The following FOCAD variants were observed in gnomAD, a reference collection of about 807,000 sequenced individuals.
The protein encoded by FOCAD is focadhesin.
Under a neutral mutation model 225.6 loss-of-function variants are expected in FOCAD, and 198 were observed. That is an observed-to-expected ratio of 0.88 (90% CI 0.78 to 0.99). The LOEUF (loss-of-function observed/expected upper bound fraction) is 0.99. Among genes scored for constraint, FOCAD ranks in the 50% least tolerant of loss-of-function variants. FOCAD has a pLI of 0.00. For missense variants in FOCAD, 2,713 were observed against 2,123.6 expected (o/e 1.28, Z -5.46); for synonymous variants, 897 against 755.0 (o/e 1.19, Z -3.08).
intron 21 of FOCAD, among the ~76,000 whole-genome samples, chr9:20,889,975 A>G (rs985166269): frequency 2.0e-4 from 31 of 152,144 alleles, no homozygotes; most frequent in African/African-American, 7.5e-4. Context: ...TGCTATTCAA[A>G]TTGGACTTTT....
intron 19 of FOCAD, among the ~76,000 whole-genome samples, chr9:20,876,827 A>G (rs1220786769): frequency 6.6e-6 from 1 of 152,192 alleles, no homozygotes; most frequent in African/African-American, 2.4e-5. Context: ...ACAGACAGAA[A>G]AGTGGGTTGT....
At chr9:20,820,288 A>G in intron 12 of FOCAD, 36 bp from the exon 13 acceptor site, 2 of 1,508,596 alleles carry the variant, frequency 1.3e-6, no homozygotes, top group South Asian at 1.2e-5. Flanking sequence ...TCTGCATTCA[A>G]GTTTATGCAA....
intron 7 of FOCAD, among the ~76,000 whole-genome samples, chr9:20,768,873 A>G (rs1817878879): frequency 6.6e-6 from 1 of 152,142 alleles, no homozygotes; most frequent in African/African-American, 2.4e-5. Flanking sequence ...ACATAAAGAC[A>G]GAATGTTACT....
intron 35 of FOCAD, among the ~76,000 whole-genome samples, chr9:20,972,379 G>A (rs528631737): frequency 1.3e-5 from 2 of 151,870 alleles, no homozygotes; most frequent in African/African-American, 4.8e-5. Flanking sequence ...ATTTGGTTTG[G>A]TTTTTTTCCT....
intron 6 of FOCAD, among the ~76,000 whole-genome samples, chr9:20,761,071 G>GAGTTCA (rs1346702803): frequency 6.6e-6 from 1 of 152,040 alleles, no homozygotes; most frequent in Non-Finnish European, 1.5e-5. Context: ...GGAGTCTGCT[G>GAGTTCA]TGTTGCCCAG....
chr9:20,697,435 T>A (rs1379467188), intron 1 of FOCAD, among the ~76,000 whole-genome samples: 2 of 152,230 alleles, frequency 1.3e-5, no homozygotes, highest in African/African-American at 2.4e-5. Flanking sequence ...GCTTACATGA[T>A]CTGGGTTTCT....
chr9:20,905,506 A>C (rs963877750), intron 21 of FOCAD, among the ~76,000 whole-genome samples: 2 of 152,010 alleles, frequency 1.3e-5, no homozygotes, highest in African/African-American at 4.8e-5. Context: ...ATTCGGCAAA[A>C]ATTTAAAAAT....
chr9:20,759,777 A>T (rs1359380755), intron 6 of FOCAD, among the ~76,000 whole-genome samples: 1 of 152,220 alleles, frequency 6.6e-6, no homozygotes, highest in Non-Finnish European at 1.5e-5. Context: ...GAAGTTAAGC[A>T]TTGGTAAGTG....
At chr9:20,841,755 T>C (rs1258855138) in intron 15 of FOCAD, among the ~76,000 whole-genome samples, 3 of 151,898 alleles carry the variant, frequency 2.0e-5, no homozygotes, top group Non-Finnish European at 4.4e-5. Context: ...ATTTTATTTA[T>C]TTCCCCTTTC....
intron 15 of FOCAD, among the ~76,000 whole-genome samples, chr9:20,846,337 C>T (rs1827107060): frequency 6.6e-6 from 1 of 152,066 alleles, no homozygotes; most frequent in Non-Finnish European, 1.5e-5. Context: ...ATGTCCTTTT[C>T]TCTTTCTTAA....
chr9:20,721,687 G>A (rs148748788), intron 4 of FOCAD, among the ~76,000 whole-genome samples: 1 of 152,232 alleles, frequency 6.6e-6, no homozygotes, highest in African/African-American at 2.4e-5. Context: ...GGGTGACAGA[G>A]TGAAATTCCA....
Position 20,748,469 on chromosome 9 carries a change from A to G in FOCAD, c.392+8129A>G, listed in dbSNP as rs566077856. Among the ~76,000 whole-genome samples, 185 of 152,200 alleles carry G rather than the reference A, an allele frequency of 1.2e-3. 3 individuals are homozygous for G. Among genetic ancestry groups the G allele is most frequent in the Non-Finnish European group, 1.8e-3 (119 of 67,976 alleles). On this transcript the variant is annotated intron_variant, in intron 5 of 43. Coordinates refer to ENST00000338382, the MANE Select transcript of FOCAD (RefSeq NM_001375567.1). Reference sequence around the variant, plus strand: ...ACATAAAAGTTTTGGACTTTCTCCTATTATAGAAAATGTACACATGCATAT... The same window carrying G: ...ACATAAAAGTTTTGGACTTTCTCCTGTTATAGAAAATGTACACATGCATAT...
intron 7 of FOCAD, 115 bp from the exon 8 acceptor site, chr9:20,769,917 T>G (rs1818016918): frequency 1.1e-6 from 1 of 879,966 alleles, no homozygotes; most frequent in Admixed American, 2.7e-5. Flanking sequence ...TTCATCTCCT[T>G]TAAGTCTTTA....
chr9:20,807,261 C>T (rs1822557741), intron 11 of FOCAD, among the ~76,000 whole-genome samples: 1 of 152,162 alleles, frequency 6.6e-6, no homozygotes, highest in Non-Finnish European at 1.5e-5. Context: ...TGTTCCTTGC[C>T]CCTCTGGGGC....
intron 11 of FOCAD, among the ~76,000 whole-genome samples, chr9:20,811,551 C>G (rs1823077954): frequency 6.6e-6 from 1 of 151,904 alleles, no homozygotes; most frequent in Non-Finnish European, 1.5e-5. Flanking sequence ...GGTTAAACTT[C>G]AAGACTGTAG....
At chr9:20,828,917 C>T (rs1442173860) in intron 15 of FOCAD, among the ~76,000 whole-genome samples, 5 of 151,954 alleles carry the variant, frequency 3.3e-5, no homozygotes, top group African/African-American at 7.2e-5. Context: ...GTTAGTTTGC[C>T]GAGGATAATG....
intron 1 of FOCAD, among the ~76,000 whole-genome samples, chr9:20,708,510 A>G (rs1824570896): frequency 6.6e-6 from 1 of 152,102 alleles, no homozygotes; most frequent in African/African-American, 2.4e-5. Flanking sequence ...TCACACCTGT[A>G]GTAATCCCAG....
At chr9:20,948,145 A>G (rs1041382109) in intron 30 of FOCAD, 126 bp from the exon 31 acceptor site, 3 of 946,530 alleles carry the variant, frequency 3.2e-6, no homozygotes, top group South Asian at 4.5e-5. Context: ...GATTTTTCAT[A>G]TGACAAATAC....
intron 28 of FOCAD, among the ~76,000 whole-genome samples, chr9:20,940,604 C>T (rs530465792): frequency 6.6e-6 from 1 of 152,234 alleles, no homozygotes; most frequent in East Asian, 1.9e-4. Context: ...TTTTTGGCTT[C>T]AGGTTCAACT....
Sources: allele counts gnomAD v4.1 joint callset (sites outside exome capture counted in the v4.1 genomes callset), GRCh38; gene constraint gnomAD v4.1.1; transcripts MANE v1.5; gene names NCBI Gene and HGNC (gene_info 2026-07-23, HGNC 2026-07-21).